MUSK: variants seen among roughly 807,000 people sequenced by gnomAD.
MUSK encodes the protein muscle, skeletal receptor tyrosine-protein kinase.
Under a neutral mutation model 88.7 loss-of-function variants are expected in MUSK, and 55 were observed. That is an observed-to-expected ratio of 0.62 (90% CI 0.50 to 0.78). The LOEUF is 0.78. Ranked by LOEUF, MUSK falls within the 30% of genes least tolerant of loss-of-function variation. The pLI is 0.00. For missense variants in MUSK, 1,015 were observed against 1,074.3 expected (o/e 0.94, Z 0.77); for synonymous variants, 387 against 391.9 (o/e 0.99, Z 0.15).
At chr9:110,676,017 C>T (rs372763439) in intron 1 of MUSK, among the ~76,000 whole-genome samples, 75 of 152,010 alleles carry the variant, frequency 4.9e-4, no homozygotes, top group African/African-American at 1.6e-3. Context: ...TTCATTCATT[C>T]GTTGTTTAGA....
chr9:110,778,876 ATTC>A (rs1199887126), intron 11 of MUSK, among the ~76,000 whole-genome samples: 7 of 152,128 alleles, frequency 4.6e-5, no homozygotes, highest in African/African-American at 1.7e-4. Context: ...ATAATTGATT[ATTC>A]TTAAGAAGCT....
intron 6 of MUSK, among the ~76,000 whole-genome samples, chr9:110,741,250 T>C (rs896190739): frequency 2.0e-5 from 3 of 152,168 alleles, no homozygotes; most frequent in Non-Finnish European, 4.4e-5. Context: ...TCACCTTAAA[T>C]ATATACAATT....
chr9:110,760,823 C>T (rs2077387816), intron 7 of MUSK, among the ~76,000 whole-genome samples: 1 of 152,044 alleles, frequency 6.6e-6, no homozygotes, highest in African/African-American at 2.4e-5. Context: ...AGTTACCAAC[C>T]CTCACCAATC....
intron 3 of MUSK, among the ~76,000 whole-genome samples, chr9:110,692,864 AT>A (rs982112480): frequency 1.4e-5 from 2 of 146,924 alleles, no homozygotes; most frequent in African/African-American, 2.6e-5. Context: ...AAAAAAAAAA[AT>A]TGATTTTGTT....
At chr9:110,798,682 A>G (rs2078049199) in intron 14 of MUSK, among the ~76,000 whole-genome samples, 2 of 152,208 alleles carry the variant, frequency 1.3e-5, no homozygotes, top group Admixed American at 1.3e-4. Context: ...GGTTACAAGG[A>G]TGAATAAAAT....
At chr9:110,774,970 A>T (rs1211002350) in intron 9 of MUSK, among the ~76,000 whole-genome samples, 1 of 151,986 alleles carries the variant, frequency 6.6e-6, no homozygotes, top group Non-Finnish European at 1.5e-5. Flanking sequence ...AATTTATTTA[A>T]TTATCTTTAA....
chr9:110,690,188 GTATATATAAA>G lies in MUSK; in HGVS notation c.358+2938_358+2947del, dbSNP rs1173685941. Among the ~76,000 whole-genome samples the G allele has an allele frequency of 4.3e-3, 391 of 89,956 alleles. 9 individuals are homozygous for G. The highest frequency in any genetic ancestry group is 0.019 in the African/African-American group (364 of 19,418). 59.0% of individuals were successfully genotyped at this position (89,956 alleles called of 152,430 possible). A position where few individuals can be genotyped will look rare whatever the true frequency, so the allele number is the denominator to read the frequency against. ...TATAAATATATAAATATATATTTAAGTATATATAAATATATATAAATATATATTTAAGTAT... is the reference window on the plus strand; with the variant it reads ...TATAAATATATAAATATATATTTAAGTATATATAAATATATATTTAAGTAT... On this transcript the variant is annotated intron_variant, in intron 3 of 14. Coordinates refer to ENST00000374448, the MANE Select transcript of MUSK (RefSeq NM_005592.4).
At chr9:110,678,740 TTAA>T (rs1160761057) in intron 1 of MUSK, among the ~76,000 whole-genome samples, 1 of 152,170 alleles carries the variant, frequency 6.6e-6, no homozygotes, top group Non-Finnish European at 1.5e-5. Context: ...TATTTAAGCT[TTAA>T]TTTTCATGGG....
At chr9:110,697,613 T>C (rs2076450016) in intron 5 of MUSK, 147 bp downstream of exon 5, 1 of 816,680 alleles carries the variant, frequency 1.2e-6, no homozygotes, top group African/African-American at 1.7e-5. Context: ...TTCAAGCGTA[T>C]GATAACAGAA....
intron 13 of MUSK, among the ~76,000 whole-genome samples, chr9:110,786,473 T>C (rs745606775): frequency 6.6e-6 from 1 of 152,130 alleles, no homozygotes; most frequent in Non-Finnish European, 1.5e-5. Flanking sequence ...AGGTAATTTA[T>C]TGGAGATGTA....
At chr9:110,781,255 T>TG (rs1308461249) in intron 11 of MUSK, among the ~76,000 whole-genome samples, 4 of 108,960 alleles carry the variant, frequency 3.7e-5, no homozygotes, top group African/African-American at 1.2e-4. Flanking sequence ...TTGTGTGTGT[T>TG]TTTTTGTTTT....
rs1476591216 is a variant in MUSK, at chr9:110,762,183, C to T, written c.914-19C>T. On this transcript the variant is annotated intron_variant, in intron 7 of 14. Coordinates refer to ENST00000374448, the MANE Select transcript of MUSK (RefSeq NM_005592.4). Reference sequence around the variant, plus strand: ...CCTTTAATTTGACTTCCTGTGGGAACTTCCTTTCCTGTTAATAGAATGGAG... The same window carrying T: ...CCTTTAATTTGACTTCCTGTGGGAATTTCCTTTCCTGTTAATAGAATGGAG... 1 of 1,441,612 alleles carries T rather than the reference C, an allele frequency of 6.9e-7. No individual in the cohort carries two copies. Among genetic ancestry groups the T allele is most frequent in the African/African-American group, 1.4e-5 (1 of 69,894 alleles). 89.3% of individuals were successfully genotyped at this position (1,441,612 alleles called of 1,614,324 possible). A position where few individuals can be genotyped will look rare whatever the true frequency, so the allele number is the denominator to read the frequency against.
At chr9:110,726,138 A>C (rs543631496) in intron 5 of MUSK, among the ~76,000 whole-genome samples, 6 of 152,074 alleles carry the variant, frequency 3.9e-5, no homozygotes, top group Non-Finnish European at 8.8e-5. Flanking sequence ...GTATCTATAA[A>C]GAGGTATAAT....
chr9:110,728,700 C>G lies in MUSK; in HGVS notation c.629-5551C>G, dbSNP rs527760602. The stretch of plus-strand genomic sequence containing the variant: ...TTTTTATTAACAGAAGAAAGTGAAC[C>G]CGAACAAGATACTAAAGGTATTTTT... On this transcript the variant is annotated intron_variant, in intron 5 of 14. Coordinates refer to ENST00000374448, the MANE Select transcript of MUSK (RefSeq NM_005592.4). The G allele has an allele frequency of 1.9e-5, 30 of 1,586,168 alleles. No homozygotes were observed. In the South Asian group the frequency reaches 3.2e-4, roughly 17 times the overall value.
intron 3 of MUSK, among the ~76,000 whole-genome samples, chr9:110,687,680 G>C (rs2076216123): frequency 6.6e-6 from 1 of 152,034 alleles, no homozygotes; most frequent in Non-Finnish European, 1.5e-5. Context: ...GATTTTCTCA[G>C]GCCTGGTGAT....
At position 110,806,111 on chromosome 9, in the gene MUSK, A is replaced by G. The variant is rs532031367; in HGVS notation, c.*5123A>G. Among the ~76,000 whole-genome samples the G allele has an allele frequency of 3.9e-5, 6 of 152,222 alleles. No homozygotes were observed. Among genetic ancestry groups the G allele is most frequent in the South Asian group, 2.1e-4 (1 of 4,826 alleles). ...AGCCTAAGTGCTAACCACTTCACCCATTTATAGTGTTAGTTCTTCTGGTGA... is the reference window on the plus strand; with the variant it reads ...AGCCTAAGTGCTAACCACTTCACCCGTTTATAGTGTTAGTTCTTCTGGTGA... On this transcript the variant is annotated 3_prime_UTR_variant, in exon 15 of 15. Transcript: ENST00000374448.
intron 7 of MUSK, among the ~76,000 whole-genome samples, chr9:110,755,983 T>TATGTATATAC: frequency 7.9e-6 from 1 of 127,048 alleles, no homozygotes; most frequent in East Asian, 2.4e-4. Flanking sequence ...TATATACATA[T>TATGTATATAC]ATATATATAT....
intron 5 of MUSK, among the ~76,000 whole-genome samples, chr9:110,718,428 T>C (rs2131796196): frequency 6.6e-6 from 1 of 152,012 alleles, no homozygotes; most frequent in South Asian, 2.1e-4. Context: ...ATAGTGTCAA[T>C]GCAAAATGCA....
intron 6 of MUSK, among the ~76,000 whole-genome samples, chr9:110,744,103 G>C (rs1443465431): frequency 6.6e-6 from 1 of 152,096 alleles, no homozygotes; most frequent in African/African-American, 2.4e-5. Flanking sequence ...GAGTAGCTGG[G>C]ACTACAGGTG....
Sources: gnomAD v4.1 joint callset for allele counts (sites outside exome capture counted in the v4.1 genomes callset) on GRCh38, gnomAD v4.1.1 for gene constraint, MANE v1.5 for transcripts, NCBI Gene and HGNC (gene_info 2026-07-23, HGNC 2026-07-21) for gene names.